Variants in DST observed in about 807,000 individuals in gnomAD.
DST encodes the protein bullous pemphigoid antigen.
In DST, 253 loss-of-function variants were observed where a neutral mutation model predicts 875.2. That is an observed-to-expected ratio of 0.29 (90% CI 0.26 to 0.32). DST has a LOEUF of 0.32. DST is among the 10% of genes least tolerant of loss of function. The pLI is 1.00. For synonymous variants in DST, 3,124 were observed against 3,197.1 expected, an observed-to-expected ratio of 0.98 and a Z score of 0.77; for missense variants, 8,287 against 9,111.6, an observed-to-expected ratio of 0.91 and a Z score of 3.68.
intron 4 of DST, among the ~76,000 whole-genome samples, chr6:56,782,456 G>C: frequency 6.7e-6 from 1 of 148,492 alleles, no homozygotes; most frequent in Non-Finnish European, 1.5e-5. Context: ...TCTTGGGAGA[G>C]TGCATGTGTT....
At chr6:56,775,886 C>G (rs980787373) in intron 4 of DST, among the ~76,000 whole-genome samples, 1 of 152,178 alleles carries the variant, frequency 6.6e-6, no homozygotes, top group African/African-American at 2.4e-5. Context: ...ACACAAAAAT[C>G]CAAACAATTT....
At chr6:56,556,693 C>T (rs1454010564) in intron 59 of DST, among the ~76,000 whole-genome samples, 1 of 152,188 alleles carries the variant, frequency 6.6e-6, no homozygotes, top group African/African-American at 2.4e-5. Flanking sequence ...CACCACAGAG[C>T]TTCTGCTATT....
chr6:56,614,567 A>C, intron 36 of DST, 83 bp from the exon 37 acceptor site: 2 of 1,353,838 alleles, frequency 1.5e-6, no homozygotes, highest in African/African-American at 1.5e-5. Context: ...GCAAACAAGA[A>C]TGTAAAAATT....
Position 56,492,326 on chromosome 6 carries a change from C to T in DST, c.20658G>A (p.Lys6886=). The change falls in exon 85 of 104, where the codon AAG becomes AAA. Residue 6886 remains lysine (K), a synonymous_variant. Coordinates refer to ENST00000680361, the MANE Select transcript of DST (RefSeq NM_001374736.1). ...GACTTTGTACACTGATAAGTAGATT[C>T]TTGATTAGAACAACATCTTGTTTCT... ...FSQKQDVVLI[K]NLLISVQSRW... is the part of the protein sequence containing the mutation. The T allele has an allele frequency of 1.2e-6, 2 of 1,613,844 alleles. No homozygotes were observed. The highest frequency in any genetic ancestry group is 3.3e-5 in the Admixed American group (2 of 59,996).
intron 3 of DST, among the ~76,000 whole-genome samples, chr6:56,897,948 T>C (rs1792247197): frequency 6.6e-6 from 1 of 152,134 alleles, no homozygotes; most frequent in Non-Finnish European, 1.5e-5. Flanking sequence ...TTAAGACCAA[T>C]GCCCTCTGCT....
chr6:56,953,733 C>G (rs375344492), intron 2 of DST, 52 bp downstream of exon 2: 1 of 1,266,084 alleles, frequency 7.9e-7, no homozygotes, highest in African/African-American at 1.5e-5. Context: ...AATATTGGTA[C>G]TCAGGAAAGA....
At chr6:56,812,465 A>G (rs1554159090) in intron 4 of DST, among the ~76,000 whole-genome samples, 23 of 152,254 alleles carry the variant, frequency 1.5e-4, no homozygotes. Flanking sequence ...CATAAACTGT[A>G]TTCTATAGGA....
intron 5 of DST, among the ~76,000 whole-genome samples, chr6:56,706,112 G>A (rs922256022): frequency 3.3e-5 from 5 of 152,080 alleles, no homozygotes; most frequent in South Asian, 2.1e-4. Flanking sequence ...TCAGGAGTTC[G>A]AGACCAGCCT....
intron 88 of DST, 88 bp downstream of exon 88, chr6:56,485,224 T>C (rs1236457857): frequency 6.8e-7 from 1 of 1,460,690 alleles, no homozygotes. Flanking sequence ...AGTCTTCTGA[T>C]TTTAAAAGGC....
At chr6:56,595,775 TG>T (rs2098365438) in intron 47 of DST, among the ~76,000 whole-genome samples, 1 of 145,390 alleles carries the variant, frequency 6.9e-6, no homozygotes, top group South Asian at 2.1e-4. Flanking sequence ...TACATTCATA[TG>T]CTACCCCCAC....
At chr6:56,842,386 A>T (rs1489126137) in intron 4 of DST, among the ~76,000 whole-genome samples, 2 of 152,220 alleles carry the variant, frequency 1.3e-5, no homozygotes, top group Non-Finnish European at 2.9e-5. Context: ...TTTGTATTTC[A>T]TCATTATATT....
chr6:56,947,100 C>T (rs1819924284), intron 2 of DST, among the ~76,000 whole-genome samples: 2 of 152,050 alleles, frequency 1.3e-5, no homozygotes, highest in African/African-American at 2.4e-5. Flanking sequence ...GCCTCGGGGT[C>T]ACCAGAAAGG....
At chr6:56,800,337 T>C (rs539248985) in intron 4 of DST, among the ~76,000 whole-genome samples, 80 of 152,362 alleles carry the variant, frequency 5.3e-4, no homozygotes, top group Non-Finnish European at 8.7e-4. Context: ...ACAATTTCTT[T>C]AGAGTCAACT....
chr6:56,676,265 G>T (rs1310873590), intron 9 of DST, among the ~76,000 whole-genome samples: 2 of 152,108 alleles, frequency 1.3e-5, no homozygotes, highest in Non-Finnish European at 2.9e-5. Context: ...ACGGGGTTTT[G>T]CCATATTGGC....
In DST at chr6:56,607,918, C is replaced by T. The variant is rs2098512548; in HGVS notation, c.6710G>A (p.Cys2237Tyr). Reference sequence around the variant, plus strand: ...TGTGTTTCCATCAAATTCTGCATGACAGCCTTCCAGTAGCATGCCAACAGC... The same window carrying T: ...TGTGTTTCCATCAAATTCTGCATGATAGCCTTCCAGTAGCATGCCAACAGC... ...DEAVGMLLEG[C>Y]HAEFDGNTAI... is the part of the protein sequence containing the mutation. The change falls in exon 40 of 104, where the codon TGT becomes TAT. Residue 2237 changes from cysteine (C) to tyrosine (Y), a missense_variant. By Grantham distance (194) the Cys-to-Tyr change is radical. This residue lies in a region of DST where 3,138 missense variants were observed against 3,116.6 expected (regional missense o/e 1.01). Coordinates refer to ENST00000680361, the MANE Select transcript of DST (RefSeq NM_001374736.1). The T allele has an allele frequency of 4.3e-6, 7 of 1,613,674 alleles. No individual in the cohort carries two copies. The highest frequency in any genetic ancestry group is 5.9e-6 in the Non-Finnish European group (7 of 1,179,736).
intron 60 of DST, 101 bp downstream of exon 60, chr6:56,555,242 CAG>C (rs2097394304): frequency 2.3e-6 from 3 of 1,283,748 alleles, no homozygotes; most frequent in Non-Finnish European, 3.2e-6. Flanking sequence ...AACAGTGGGG[CAG>C]AGTCTCTTTG....
intron 5 of DST, 36 bp downstream of exon 5, chr6:56,735,192 A>G (rs2099518349): frequency 7.1e-7 from 1 of 1,402,072 alleles, no homozygotes. Context: ...GAAATATTCC[A>G]AACAATTCCA....
chr6:56,546,257 T>C (rs1392687946), intron 61 of DST, among the ~76,000 whole-genome samples: 6 of 148,866 alleles, frequency 4.0e-5, no homozygotes. Context: ...ACATCTTCAA[T>C]GAGGTTTTCT....
rs184635545 is a variant in DST at position 56,503,639 on chromosome 6, T to C, written c.19566+358A>G. 3.4e-3 allele frequency among the ~76,000 whole-genome samples: 404 copies of C among 119,216 alleles called. 3 individuals carry two copies. Among genetic ancestry groups the C allele is most frequent in the African/African-American group, 0.012 (395 of 33,210 alleles). 78.2% of individuals were successfully genotyped at this position (119,216 alleles called of 152,430 possible). On this transcript the variant is annotated intron_variant, in intron 78 of 103. Coordinates refer to ENST00000680361, the MANE Select transcript of DST (RefSeq NM_001374736.1). Reference sequence around the variant, plus strand: ...CACACACACACACACCCCATGTCCCTAACATGAAGATATCAGAAAGGCTAT... The same window carrying C: ...CACACACACACACACCCCATGTCCCCAACATGAAGATATCAGAAAGGCTAT...
Sources: allele counts gnomAD v4.1 joint callset (sites outside exome capture counted in the v4.1 genomes callset), GRCh38; gene constraint gnomAD v4.1.1; regional missense constraint gnomAD v4.1.1; transcripts MANE v1.5; gene names NCBI Gene and HGNC (gene_info 2026-07-23, HGNC 2026-07-21).